Variants in RGS6 observed in about 807,000 individuals in gnomAD.
The protein encoded by RGS6 is regulator of G protein signaling 6.
Under a neutral mutation model 78.5 loss-of-function variants are expected in RGS6, and 30 were observed. That is an observed-to-expected ratio of 0.38 (90% CI 0.29 to 0.52). The LOEUF is 0.52. Among genes scored for constraint, RGS6 ranks in the 20% least tolerant of loss-of-function variants. The pLI, the probability that RGS6 is intolerant of heterozygous loss-of-function variation, is 0.85. For synonymous variants in RGS6, 206 were observed against 206.0 expected (o/e 1.00, Z 0.00); for missense variants, 495 against 609.7 (o/e 0.81, Z 1.98).
chr14:72,167,676 A>G (rs1240697298), intron 2 of RGS6, among the ~76,000 whole-genome samples: 1 of 152,228 alleles, frequency 6.6e-6, no homozygotes, highest in African/African-American at 2.4e-5. Flanking sequence ...GCTTTAGGGC[A>G]TAACATAGTG....
chr14:72,578,286 A>C, the RGS6 span, among the ~76,000 whole-genome samples: 2 of 152,122 alleles, frequency 1.3e-5, no homozygotes, highest in African/African-American at 4.8e-5. Context: ...GCCTCCCTTG[A>C]TGGCACCCCC....
intron 2 of RGS6, among the ~76,000 whole-genome samples, chr14:72,283,753 T>TA (rs1567660039): frequency 2.6e-5 from 4 of 152,188 alleles, no homozygotes. Flanking sequence ...ATTGTAAAGA[T>TA]ACCTGAAAAT....
intron 2 of RGS6, among the ~76,000 whole-genome samples, chr14:72,253,276 G>C (rs1341885838): frequency 2.0e-5 from 3 of 152,224 alleles, no homozygotes; most frequent in Admixed American, 1.3e-4. Flanking sequence ...GGGCAAAACA[G>C]AGCCACGGCC....
intron 2 of RGS6, among the ~76,000 whole-genome samples, chr14:72,186,828 G>GT (rs1371095634): frequency 1.3e-5 from 2 of 152,290 alleles, no homozygotes; most frequent in African/African-American, 2.4e-5. Flanking sequence ...AAATGAGTCA[G>GT]TGGGAGCAGT....
chr14:71,901,618 G>A, the RGS6 span, among the ~76,000 whole-genome samples: 23,392 of 152,058 alleles, frequency 0.15, 2,639 homozygotes, highest in African/African-American at 0.31. Flanking sequence ...ATGGCTCCCC[G>A]TTGACATCCC....
chr14:72,382,952 G>C (rs2086585386), intron 3 of RGS6, among the ~76,000 whole-genome samples: 1 of 151,892 alleles, frequency 6.6e-6, no homozygotes, highest in Non-Finnish European at 1.5e-5. Context: ...TGTGGGGAAA[G>C]TAGACAACAA....
chr14:72,087,092 A>G (rs1459734786), intron 2 of RGS6, among the ~76,000 whole-genome samples: 2 of 152,206 alleles, frequency 1.3e-5, no homozygotes, highest in East Asian at 1.9e-4. Flanking sequence ...TGCCTCTTTC[A>G]TCAGATAAGA....
chr14:71,874,352 C>T, the RGS6 span, among the ~76,000 whole-genome samples: 1 of 151,850 alleles, frequency 6.6e-6, no homozygotes, highest in Non-Finnish European at 1.5e-5. Context: ...TGAAGAGGTC[C>T]TTCACATCCC....
intron 2 of RGS6, among the ~76,000 whole-genome samples, chr14:72,143,503 C>CT (rs1257378742): frequency 1.3e-5 from 2 of 152,136 alleles, no homozygotes; most frequent in African/African-American, 4.8e-5. Flanking sequence ...AACTATTGGC[C>CT]TTTTGCTGAT....
intron 1 of RGS6, among the ~76,000 whole-genome samples, chr14:71,936,364 G>A (rs868800267): frequency 3.3e-5 from 5 of 152,012 alleles, no homozygotes; most frequent in Non-Finnish European, 7.4e-5. Context: ...AGCTGATTAG[G>A]TTGTGCCCAC....
intron 2 of RGS6, among the ~76,000 whole-genome samples, chr14:72,122,628 G>A (rs961400266): frequency 1.3e-5 from 2 of 151,978 alleles, no homozygotes; most frequent in African/African-American, 4.8e-5. Flanking sequence ...TTTGGTCCAG[G>A]GCTTAGATTC....
chr14:72,457,400 T>C lies in RGS6; in HGVS notation c.236-871T>C, dbSNP rs148519055. 6.5e-3 allele frequency among the ~76,000 whole-genome samples: 997 copies of C among 152,356 alleles called. 5 individuals are homozygous for C. The highest frequency in any genetic ancestry group is 9.1e-3 in the Non-Finnish European group (619 of 68,034). On this transcript the variant is annotated intron_variant, in intron 4 of 17. Coordinates refer to ENST00000553525, the MANE Select transcript of RGS6 (RefSeq NM_001204424.2). ...ACTTTTGGATTTGTGAAAGATTGTG[T>C]GTGGTAGAAGCATTGAGGTTTGTTA...
intron 13 of RGS6, among the ~76,000 whole-genome samples, chr14:72,502,022 T>C (rs1043800774): frequency 1.3e-5 from 2 of 152,206 alleles, no homozygotes; most frequent in Non-Finnish European, 2.9e-5. Context: ...TTACATCAAG[T>C]AGGACACCAA....
At chr14:71,892,307 A>T in the RGS6 span, among the ~76,000 whole-genome samples, 14 of 152,380 alleles carry the variant, frequency 9.2e-5, no homozygotes, top group South Asian at 2.9e-3. Flanking sequence ...AGCCACCAGT[A>T]GGTAGGCCTC....
the RGS6 span, among the ~76,000 whole-genome samples, chr14:71,892,944 C>T: frequency 6.6e-6 from 1 of 152,350 alleles, no homozygotes; most frequent in East Asian, 1.9e-4. Flanking sequence ...GAAGAGATGG[C>T]CCAAGCCAGC....
chr14:72,438,682 A>G (rs1372887982), intron 3 of RGS6, among the ~76,000 whole-genome samples: 3 of 152,200 alleles, frequency 2.0e-5, no homozygotes, highest in Non-Finnish European at 4.4e-5. Context: ...ACCTGTGCCC[A>G]ACCAGCCTTC....
At chr14:72,300,256 A>G (rs983212606) in intron 2 of RGS6, among the ~76,000 whole-genome samples, 3 of 152,158 alleles carry the variant, frequency 2.0e-5, no homozygotes, top group African/African-American at 7.2e-5. Flanking sequence ...CTATACCCAT[A>G]AAACTGGAAT....
At chr14:72,057,929 C>A (rs539792912) in intron 2 of RGS6, among the ~76,000 whole-genome samples, 1 of 152,316 alleles carries the variant, frequency 6.6e-6, no homozygotes, top group Admixed American at 6.5e-5. Flanking sequence ...GATGTGCTAG[C>A]CTCTGTTTTG....
intron 2 of RGS6, among the ~76,000 whole-genome samples, chr14:72,036,202 A>AGTC (rs202070481): frequency 5.1e-4 from 69 of 133,982 alleles, no homozygotes; most frequent in African/African-American, 1.9e-3. Flanking sequence ...ATGTAAACAT[A>AGTC]TTATTATTAT....
Sources: gnomAD v4.1 joint callset for allele counts (sites outside exome capture counted in the v4.1 genomes callset) on GRCh38, gnomAD v4.1.1 for gene constraint, MANE v1.5 for transcripts, NCBI Gene and HGNC (gene_info 2026-07-23, HGNC 2026-07-21) for gene names.